The following BPIFB1 variants were observed in gnomAD, a reference collection of about 807,000 sequenced individuals.
The protein encoded by BPIFB1 is BPI fold containing family B member 1.
In BPIFB1, 34 loss-of-function variants were observed where a neutral mutation model predicts 55.1. The observed-to-expected ratio is 0.62, with a 90% CI of 0.47 to 0.82. BPIFB1 has a LOEUF of 0.82. BPIFB1 is among the 40% of genes least tolerant of loss of function. The pLI is 0.00. For missense variants in BPIFB1, 532 were observed against 593.1 expected, an observed-to-expected ratio of 0.90 and a Z score of 1.07; for synonymous variants, 236 against 245.3, an observed-to-expected ratio of 0.96 and a Z score of 0.35.
chr20:33,305,942 T>A (rs1981010859), intron 13 of BPIFB1, 60 bp from the exon 14 acceptor site: 1 of 1,583,934 alleles, frequency 6.3e-7, no homozygotes, highest in African/African-American at 1.3e-5. Flanking sequence ...CCACGAAGAA[T>A]GATGGGGGGG....
intron 3 of BPIFB1, 27 bp downstream of exon 3, chr20:33,288,909 G>A: frequency 1.3e-6 from 2 of 1,599,518 alleles, no homozygotes; most frequent in African/African-American, 1.3e-5. Context: ...CACACCAGGA[G>A]CTAGCCCCTT....
At chr20:33,308,776 T>TAC (rs58917463) in intron 15 of BPIFB1, among the ~76,000 whole-genome samples, 3 of 142,960 alleles carry the variant, frequency 2.1e-5, no homozygotes, top group African/African-American at 7.9e-5. Flanking sequence ...ACATACACAC[T>TAC]ACACACACAC....
intron 6 of BPIFB1, among the ~76,000 whole-genome samples, chr20:33,296,508 G>A (rs1181986602): frequency 6.6e-6 from 1 of 152,202 alleles, no homozygotes; most frequent in African/African-American, 2.4e-5. Context: ...AAGCAGAACA[G>A]CTCAGGTCAG....
In BPIFB1 at chr20:33,301,458, C is replaced by T. The variant is rs143399187; in HGVS notation, c.927+46C>T. The T allele has an allele frequency of 9.4e-5, 147 of 1,566,574 alleles. 3 individuals are homozygous for T. The African/African-American group carries it at 1.8e-3, about 19-fold the overall frequency. ...GAGAATAGGGCCGCCCAGGCCACAT[C>T]ATAGGAATTTCCTGAACACAGGGTG... On this transcript the variant is annotated intron_variant, in intron 9 of 15. Transcript: ENST00000253354.
At chr20:33,291,377 C>G (rs1311691585) in intron 5 of BPIFB1, among the ~76,000 whole-genome samples, 2 of 152,206 alleles carry the variant, frequency 1.3e-5, no homozygotes, top group Non-Finnish European at 2.9e-5. Flanking sequence ...AGAAACTCCT[C>G]CAAACACCAG....
chr20:33,295,682 G>GAAAGAAAGAAAGAAAGAAAGAA (rs1568650131), intron 6 of BPIFB1, among the ~76,000 whole-genome samples: 65 of 128,878 alleles, frequency 5.0e-4, no homozygotes, highest in African/African-American at 2.5e-3. Context: ...GAAAGAAAGA[G>GAAAGAAAGAAAGAAAGAAAGAA]AGAAAAAAAG....
At chr20:33,288,711 T>A in intron 2 of BPIFB1, 30 bp from the exon 3 acceptor site, 1 of 1,606,800 alleles carries the variant, frequency 6.2e-7, no homozygotes, top group Non-Finnish European at 8.5e-7. Context: ...CCCCTCCTCC[T>A]GGGCCCTAAT....
rs567378305 is a variant in BPIFB1, at chr20:33,301,405, A to T, written c.920A>T (p.Asp307Val). 6.2e-7 allele frequency: 1 copy of T among 1,613,120 alleles called. No homozygotes were observed. The highest frequency in any genetic ancestry group is 2.2e-5 in the East Asian group (1 of 44,860). Residue 307 changes from aspartate to valine, a missense_variant, in exon 9 of 16, where the codon GAC becomes GTC. Asp to Val is a radical substitution (Grantham distance 152, BLOSUM62 -3). Transcript: ENST00000253354. ...LSPEEFMVLL[D>V]SVLPESAHRL... is the part of the protein sequence containing the mutation. The stretch of plus-strand genomic sequence containing the variant: ...CCAGAAGAATTCATGGTCCTGTTGG[A>T]CTCTGTGGTAAACCTCAGCACAAGG...
At chr20:33,307,192 C>T (rs1379684696) in intron 15 of BPIFB1, 2 of 553,350 alleles carry the variant, frequency 3.6e-6, no homozygotes, top group Non-Finnish European at 6.5e-6. Context: ...GGGGTCAGTA[C>T]ACTTTTTCCA....
rs888428797 is a variant in BPIFB1 at position 33,297,556 on chromosome 20, G to A, written c.629G>A (p.Gly210Asp). ...CCCGTGATCGAGGCTTCCTTCAATG[G>A]CATGTATGCAGACCTCCTGCAGCTG... ...LCPVIEASFNGMYADLLQLVK... is the reference protein window; with the variant it reads ...LCPVIEASFNDMYADLLQLVK... Residue 210 changes from glycine (G) to aspartate (D), a missense_variant, in exon 7 of 16, where the codon GGC becomes GAC. By Grantham distance (94) the Gly-to-Asp change is moderately conservative (BLOSUM62 -1). Transcript: ENST00000253354. 2.0e-5 allele frequency: 33 copies of A among 1,614,192 alleles called. No homozygotes were observed. Among genetic ancestry groups the A allele is most frequent in the Non-Finnish European group, 2.6e-5 (31 of 1,180,018 alleles).
At chr20:33,291,215 A>G in intron 5 of BPIFB1, 109 bp downstream of exon 5, 1 of 1,383,300 alleles carries the variant, frequency 7.2e-7, no homozygotes, top group South Asian at 1.4e-5. Flanking sequence ...AGAGAAAGAA[A>G]GGGACTTATC....
At chr20:33,295,493 T>C (rs1600665216) in intron 6 of BPIFB1, among the ~76,000 whole-genome samples, 2 of 151,210 alleles carry the variant, frequency 1.3e-5, no homozygotes, top group South Asian at 4.2e-4. Context: ...GTAATCCCAG[T>C]TACTCGGGAG....
chr20:33,301,536 T>A, intron 9 of BPIFB1, 124 bp downstream of exon 9: 1 of 843,692 alleles, frequency 1.2e-6, no homozygotes, highest in Non-Finnish European at 1.8e-6. Flanking sequence ...TCTCACTCCC[T>A]CCTCTAATAG....
rs1174539037 is a variant in BPIFB1, at chr20:33,291,907, G to T, written c.516G>T (p.Lys172Asn). ...HGSLRIQLLH[K>N]LSFLVNALAK... Reference sequence around the variant, plus strand: ...TCTCTCGTGCTCTCTTCCCTGAAAGGCTCTCCTTCCTGGTGAACGCCTTAG... The same window carrying T: ...TCTCTCGTGCTCTCTTCCCTGAAAGTCTCTCCTTCCTGGTGAACGCCTTAG... Residue 172 changes from lysine (K) to asparagine (N), a missense_variant and splice_region_variant, in exon 6 of 16, where the codon AAG becomes AAT. Transcript: ENST00000253354. The T allele has an allele frequency of 1.2e-6, 2 of 1,613,984 alleles. No individual in the cohort carries two copies. The highest frequency in any genetic ancestry group is 8.5e-7 in the Non-Finnish European group (1 of 1,179,832).
chr20:33,286,165 T>C lies in BPIFB1; in HGVS notation c.92T>C (p.Leu31Pro). The change falls in exon 2 of 16, where the codon CTC becomes CCC. Residue 31 changes from leucine to proline, a missense_variant. Transcript: ENST00000253354. ...CTCAGTCCCACTGCAGTTCTCATCCTCGGCCCAAAAGTCATCAAAGAAAGT... is the reference window on the plus strand; with the variant it reads ...CTCAGTCCCACTGCAGTTCTCATCCCCGGCCCAAAAGTCATCAAAGAAAGT... ...ATLSPTAVLI[L>P]GPKVIKEKLT... The C allele has an allele frequency of 6.2e-7, 1 of 1,614,204 alleles. No individual in the cohort carries two copies. Among genetic ancestry groups the C allele is most frequent in the Non-Finnish European group, 8.5e-7 (1 of 1,180,030 alleles).
Position 33,309,391 on chromosome 20 carries a change from G to A in BPIFB1, c.1396-317G>A, listed in dbSNP as rs1981157701. ...TCATGCAGAGGAGGGGCCCAAAGCA[G>A]GGGGTGATCAAGGCGGGTGCTAAGT... On this transcript the variant is annotated intron_variant, in intron 15 of 15. Coordinates refer to ENST00000253354, the MANE Select transcript of BPIFB1 (RefSeq NM_033197.3). This position sits in a 1 kb window ranked among gnomAD's most constrained non-coding sequence, Gnocchi z 4.4. Among the ~76,000 whole-genome samples, 1 of 152,200 alleles carries A rather than the reference G, an allele frequency of 6.6e-6. No homozygotes were observed. Among genetic ancestry groups the A allele is most frequent in the Non-Finnish European group, 1.5e-5 (1 of 68,026 alleles).
chr20:33,304,804 T>A, intron 12 of BPIFB1, 42 bp from the exon 13 acceptor site: 1 of 1,612,538 alleles, frequency 6.2e-7, no homozygotes, highest in Non-Finnish European at 8.5e-7. Context: ...GGTGAATGAG[T>A]GGGACTTCAG....
chr20:33,303,849 T>C, intron 11 of BPIFB1, 109 bp from the exon 12 acceptor site: 1 of 1,101,790 alleles, frequency 9.1e-7, no homozygotes, highest in Non-Finnish European at 1.4e-6. Flanking sequence ...TTTGCCAAGG[T>C]CCCAGAGCCA....
Position 33,299,921 on chromosome 20 carries a change from C to T in BPIFB1, c.684C>T (p.Asp228=), listed in dbSNP as rs140793378. The change falls in exon 8 of 16, where the codon GAC becomes GAT. Residue 228 remains aspartate (D), a synonymous_variant. Coordinates refer to ENST00000253354, the MANE Select transcript of BPIFB1 (RefSeq NM_033197.3). Reference sequence around the variant, plus strand: ...CAGTGCCCATTTCCCTCAGCATTGACCGTCTGGAGTTTGACCTTCTGTATC... The same window carrying T: ...CAGTGCCCATTTCCCTCAGCATTGATCGTCTGGAGTTTGACCTTCTGTATC... ...LVKVPISLSI[D]RLEFDLLYPA... 3 of 1,613,968 alleles carry T rather than the reference C, an allele frequency of 1.9e-6. No homozygotes were observed. In the Admixed American group the frequency reaches 5.0e-5, roughly 27 times the overall value.
Sources: allele counts gnomAD v4.1 joint callset (sites outside exome capture counted in the v4.1 genomes callset), GRCh38; gene constraint gnomAD v4.1.1; non-coding constraint Gnocchi (gnomAD v3.1); transcripts MANE v1.5; gene names NCBI Gene and HGNC (gene_info 2026-07-23, HGNC 2026-07-21).